MYO5A: variants seen among roughly 807,000 people sequenced by gnomAD.
MYO5A encodes the protein unconventional myosin-Va.
Under a neutral mutation model 249.7 loss-of-function variants are expected in MYO5A, and 98 were observed. The observed-to-expected ratio is 0.39, with a 90% CI of 0.33 to 0.46. The LOEUF (loss-of-function observed/expected upper bound fraction) is 0.46. MYO5A is among the 20% of genes least tolerant of loss of function. The pLI is 0.98. For synonymous variants in MYO5A, 778 were observed against 810.6 expected (o/e 0.96, Z 0.68); for missense variants, 1,696 against 2,308.8 (o/e 0.73, Z 5.44).
In MYO5A at chr15:52,319,269, G is replaced by A; in HGVS notation, c.5025C>T (p.Thr1675=). The A allele has an allele frequency of 1.2e-6, 2 of 1,614,134 alleles. No homozygotes were observed. Among genetic ancestry groups the A allele is most frequent in the Non-Finnish European group, 1.7e-6 (2 of 1,180,004 alleles). The change falls in exon 39 of 42, where the codon ACC becomes ACT. Residue 1675 remains threonine (T), a synonymous_variant. Transcript: ENST00000399233. ...AGGTGCCCTCATCGGCGATACTGGA[G>A]GTTCGCTTTCTCAACCCTGTGGGCT... The part of the protein sequence containing the change: ...GVKPTGLRKR[T]SSIADEGTYT...
Position 52,511,821 on chromosome 15 carries a change from A to G in MYO5A, c.27+16959T>C, listed in dbSNP as rs1008574000. ...TAAGGATTTATTCCTGAGTTCTTTG[A>G]TATTTCTGTTTGTTTTTTGGTCTTC... On this transcript the variant is annotated intron_variant, in intron 1 of 41. Transcript: ENST00000399233. 1.8e-4 allele frequency among the ~76,000 whole-genome samples: 27 copies of G among 152,114 alleles called. 1 individual carries two copies. The highest frequency in any genetic ancestry group is 5.9e-4 in the Admixed American group (9 of 15,270).
At chr15:52,438,475 G>C (rs1371744273) in intron 1 of MYO5A, among the ~76,000 whole-genome samples, 1 of 152,120 alleles carries the variant, frequency 6.6e-6, no homozygotes, top group African/African-American at 2.4e-5. Flanking sequence ...CCCCAGCAAG[G>C]CAAGGGAAAG....
chr15:52,316,233 C>CAA (rs5812596), intron 40 of MYO5A, among the ~76,000 whole-genome samples: 668 of 60,308 alleles, frequency 0.011, no homozygotes, highest in East Asian at 0.02. Flanking sequence ...GACTCCGTCA[C>CAA]AAAAAAAAAA....
intron 1 of MYO5A, among the ~76,000 whole-genome samples, chr15:52,474,790 C>T (rs2076555005): frequency 6.6e-6 from 1 of 152,194 alleles, no homozygotes; most frequent in Non-Finnish European, 1.5e-5. Context: ...ATTCAGTTTG[C>T]CAGTATTTTA....
chr15:52,337,796 A>G lies in MYO5A; in HGVS notation c.4314+14T>C, dbSNP rs1445359851. 2 of 1,521,784 alleles carry G rather than the reference A, an allele frequency of 1.3e-6. No individual in the cohort carries two copies. The highest frequency in any genetic ancestry group is 1.8e-6 in the Non-Finnish European group (2 of 1,123,332). The allele number at this position is 1,521,784 out of a possible 1,614,324, so 94.3% of individuals were successfully genotyped here. On this transcript the variant is annotated intron_variant, in intron 33 of 41. Coordinates refer to ENST00000399233, the MANE Select transcript of MYO5A (RefSeq NM_001382347.1). ...CAAGGGAAGACAGCAGAAAAGCACT[A>G]TGGTTTTACATACAATCATCCGTTT...
rs202143095 is a variant in MYO5A at position 52,328,034 on chromosome 15, A to G, written c.4556-28T>C. 4.9e-4 allele frequency: 770 copies of G among 1,581,430 alleles called. 3 individuals carry two copies. The African/African-American group carries it at 9.5e-3, about 19-fold the overall frequency. ...AAAAAAGAAAAAATAATAATTTTAT[A>G]TAACATGGAAAATTTTCACGAGGCA... On this transcript the variant is annotated intron_variant, in intron 35 of 41. Coordinates refer to ENST00000399233, the MANE Select transcript of MYO5A (RefSeq NM_001382347.1).
chr15:52,480,026 G>T (rs1358612789), intron 1 of MYO5A, among the ~76,000 whole-genome samples: 1 of 152,188 alleles, frequency 6.6e-6, no homozygotes, highest in African/African-American at 2.4e-5. Flanking sequence ...GAACGTGACT[G>T]ATCTAAGCAA....
At chr15:52,342,240 T>A (rs1249065299) in intron 31 of MYO5A, among the ~76,000 whole-genome samples, 1 of 152,064 alleles carries the variant, frequency 6.6e-6, no homozygotes, top group East Asian at 1.9e-4. Flanking sequence ...CTTGTGACAG[T>A]CCCAGTTACT....
intron 5 of MYO5A, among the ~76,000 whole-genome samples, chr15:52,414,495 A>T (rs1287291516): frequency 6.6e-6 from 1 of 152,128 alleles, no homozygotes; most frequent in Non-Finnish European, 1.5e-5. Flanking sequence ...AGAGGTCATA[A>T]AATAGTACAC....
chr15:52,362,943 C>G (rs1002844240), intron 24 of MYO5A, among the ~76,000 whole-genome samples: 5 of 152,198 alleles, frequency 3.3e-5, no homozygotes, highest in African/African-American at 1.2e-4. Context: ...ATTGCATGCA[C>G]CATTAAAGAA....
At chr15:52,440,989 A>G (rs988303310) in intron 1 of MYO5A, among the ~76,000 whole-genome samples, 1 of 152,234 alleles carries the variant, frequency 6.6e-6, no homozygotes, top group Non-Finnish European at 1.5e-5. Context: ...AATTCAATCA[A>G]GCATATTACA....
chr15:52,361,143 C>T (rs2040503895), intron 24 of MYO5A, among the ~76,000 whole-genome samples: 1 of 152,156 alleles, frequency 6.6e-6, no homozygotes, highest in South Asian at 2.1e-4. Flanking sequence ...ACACCAGCAC[C>T]TCTGAAACGA....
chr15:52,367,138 C>G lies in MYO5A; in HGVS notation c.3067-14G>C. On this transcript the variant is annotated splice_polypyrimidine_tract_variant and intron_variant, in intron 22 of 41. Transcript: ENST00000399233. The stretch of plus-strand genomic sequence containing the variant: ...ATTTGATACCAGCTACGAAATGAAA[C>G]AATAAACTGAGATGGTTGCAATGGA... The G allele has an allele frequency of 6.2e-7, 1 of 1,605,946 alleles. No homozygotes were observed. Among genetic ancestry groups the G allele is most frequent in the Non-Finnish European group, 8.5e-7 (1 of 1,173,412 alleles).
At chr15:52,354,070 A>G (rs531427086) in intron 25 of MYO5A, 56 bp from the exon 26 acceptor site, 1 of 1,602,620 alleles carries the variant, frequency 6.2e-7, no homozygotes, top group South Asian at 1.1e-5. Context: ...ATAAAAGCCA[A>G]TGAGAAAATG....
intron 1 of MYO5A, among the ~76,000 whole-genome samples, chr15:52,494,684 G>A (rs2077002838): frequency 1.3e-5 from 2 of 152,062 alleles, no homozygotes; most frequent in South Asian, 4.1e-4. Flanking sequence ...GTAGAGATAG[G>A]TTTTTGCCAA....
intron 37 of MYO5A, among the ~76,000 whole-genome samples, chr15:52,322,234 T>C (rs1375390801): frequency 6.6e-6 from 1 of 152,234 alleles, no homozygotes; most frequent in Non-Finnish European, 1.5e-5. Flanking sequence ...TGGGGACTGA[T>C]AGGATGCAGT....
intron 24 of MYO5A, among the ~76,000 whole-genome samples, chr15:52,361,892 T>C (rs1307945381): frequency 6.6e-6 from 1 of 152,222 alleles, no homozygotes; most frequent in African/African-American, 2.4e-5. Flanking sequence ...TTCCTTCTTT[T>C]CCAGAACATG....
At chr15:52,451,781 T>G (rs2076025332) in intron 1 of MYO5A, among the ~76,000 whole-genome samples, 1 of 152,226 alleles carries the variant, frequency 6.6e-6, no homozygotes, top group African/African-American at 2.4e-5. Flanking sequence ...ATCTTAAGTT[T>G]TAATATCCGT....
chr15:52,464,269 C>A lies in MYO5A; in HGVS notation c.28-30984G>T, dbSNP rs139228484. On this transcript the variant is annotated intron_variant, in intron 1 of 41. Coordinates refer to ENST00000399233, the MANE Select transcript of MYO5A (RefSeq NM_001382347.1). ...TACTATGTGATCTGGCCCCTACCCA[C>A]AGGTTTAACAGCAACTCACTGGGGT... 5.5e-3 allele frequency among the ~76,000 whole-genome samples: 833 copies of A among 152,330 alleles called. 9 individuals are homozygous for A. Among genetic ancestry groups the A allele is most frequent in the African/African-American group, 0.019 (800 of 41,574 alleles).
Sources: gnomAD v4.1 joint callset for allele counts (sites outside exome capture counted in the v4.1 genomes callset) on GRCh38, gnomAD v4.1.1 for gene constraint, MANE v1.5 for transcripts, NCBI Gene and HGNC (gene_info 2026-07-23, HGNC 2026-07-21) for gene names.